Variants in RBFOX1 observed in about 807,000 individuals in gnomAD.
RBFOX1 encodes the protein RNA binding protein fox-1 homolog 1.
A neutral mutation model predicts 57.7 loss-of-function variants in RBFOX1; 8 were observed. The ratio of observed to expected loss-of-function variants is 0.14; its 90% CI spans 0.08 to 0.25. RBFOX1 has a LOEUF of 0.25. RBFOX1 is among the 10% of genes least tolerant of loss of function. The pLI is 1.00. For synonymous variants in RBFOX1, 326 were observed against 222.4 expected (o/e 1.47, Z -4.15); for missense variants, 611 against 548.5 (o/e 1.11, Z -1.14).
At chr16:5,575,369 G>A (rs2046417662) in intron 2 of RBFOX1, among the ~76,000 whole-genome samples, 1 of 152,126 alleles carries the variant, frequency 6.6e-6, no homozygotes, top group Non-Finnish European at 1.5e-5. Flanking sequence ...CCATCATTGA[G>A]TTCACATGCC....
At chr16:5,569,447 TTTTTTTTTTTTTTTTTTTTTC>T (rs2046195612) in intron 2 of RBFOX1, among the ~76,000 whole-genome samples, 1 of 105,522 alleles carries the variant, frequency 9.5e-6, no homozygotes, top group Admixed American at 9.7e-5. Context: ...CCTTTTTTTT[TTTTTTTTTTTTTTTTTTTTTC>T]TTCTTCTTTT....
At chr16:6,389,892 G>A (rs954604394) in intron 2 of RBFOX1, among the ~76,000 whole-genome samples, 2 of 152,194 alleles carry the variant, frequency 1.3e-5, no homozygotes, top group African/African-American at 4.8e-5. Flanking sequence ...AGCTACTTAT[G>A]TGTACTGCCA....
intron 3 of RBFOX1, among the ~76,000 whole-genome samples, chr16:6,978,529 T>C (rs951736317): frequency 1.3e-5 from 2 of 152,274 alleles, no homozygotes; most frequent in South Asian, 2.1e-4. Context: ...CTGAGGTTCA[T>C]AGAAGTTAAA....
intron 4 of RBFOX1, among the ~76,000 whole-genome samples, chr16:7,387,896 C>G (rs1213812500): frequency 1.3e-5 from 2 of 152,086 alleles, no homozygotes; most frequent in African/African-American, 4.8e-5. Context: ...TTTGTGCTGT[C>G]TTTGATTTTC....
At chr16:7,343,828 C>T (rs184160247) in intron 4 of RBFOX1, among the ~76,000 whole-genome samples, 64 of 152,220 alleles carry the variant, frequency 4.2e-4, no homozygotes, top group South Asian at 1.5e-3. Flanking sequence ...CACAGTTTTT[C>T]CCTTCTGGGC....
At chr16:6,381,782 G>T (rs535991181) in intron 2 of RBFOX1, among the ~76,000 whole-genome samples, 33 of 152,330 alleles carry the variant, frequency 2.2e-4, no homozygotes, top group African/African-American at 7.7e-4. Context: ...GGTCTGCCCT[G>T]TGTCCCTCGG....
chr16:7,664,089 C>T (rs80247778), intron 12 of RBFOX1, among the ~76,000 whole-genome samples: 8,029 of 152,232 alleles, frequency 0.053, 338 homozygotes, highest in African/African-American at 0.11. Flanking sequence ...ATATAATTTA[C>T]GTGAACATGC....
intron 4 of RBFOX1, among the ~76,000 whole-genome samples, chr16:5,979,879 A>C (rs116147750): frequency 6.6e-6 from 1 of 152,094 alleles, no homozygotes; most frequent in Non-Finnish European, 1.5e-5. Flanking sequence ...AAAGAAATTA[A>C]AGTGTATTTA....
intron 4 of RBFOX1, among the ~76,000 whole-genome samples, chr16:5,969,670 G>A: frequency 6.6e-6 from 1 of 151,764 alleles, no homozygotes. Context: ...ATCTTAGGTA[G>A]CTTATCTAAC....
intron 3 of RBFOX1, among the ~76,000 whole-genome samples, chr16:6,813,980 G>A (rs2089438755): frequency 6.6e-6 from 1 of 152,144 alleles, no homozygotes; most frequent in African/African-American, 2.4e-5. Flanking sequence ...CTCTCATCAT[G>A]GCACTGGCAA....
At chr16:6,559,833 C>T (rs1011951037) in intron 2 of RBFOX1, among the ~76,000 whole-genome samples, 1 of 152,088 alleles carries the variant, frequency 6.6e-6, no homozygotes, top group African/African-American at 2.4e-5. Flanking sequence ...TGAAGTTGTT[C>T]CCTGAAGCTC....
At chr16:7,392,013 G>A (rs944652745) in intron 4 of RBFOX1, among the ~76,000 whole-genome samples, 4 of 152,100 alleles carry the variant, frequency 2.6e-5, no homozygotes, top group African/African-American at 9.7e-5. Flanking sequence ...TTCCCCTCCT[G>A]CCTTTTGCAA....
chr16:5,776,398 C>A (rs2054150700), intron 3 of RBFOX1, among the ~76,000 whole-genome samples: 5 of 152,172 alleles, frequency 3.3e-5, no homozygotes. Context: ...ACCACGGCCA[C>A]CATTTTAACC....
chr16:6,267,292 C>T (rs1018614076), intron 1 of RBFOX1, among the ~76,000 whole-genome samples: 14 of 152,126 alleles, frequency 9.2e-5, no homozygotes, highest in Admixed American at 2.6e-4. Flanking sequence ...ACACTAACAC[C>T]GTAGGATCAT....
At chr16:6,251,005 A>G (rs1017331059) in intron 1 of RBFOX1, among the ~76,000 whole-genome samples, 2 of 152,018 alleles carry the variant, frequency 1.3e-5, no homozygotes, top group Non-Finnish European at 2.9e-5. Context: ...GGGGAGTGTG[A>G]GATGGTCAGA....
intron 1 of RBFOX1, among the ~76,000 whole-genome samples, chr16:6,203,365 G>T (rs2097229239): frequency 6.6e-6 from 1 of 151,972 alleles, no homozygotes; most frequent in Admixed American, 6.6e-5. Context: ...TCTGTGTCTG[G>T]CTTATTTCAT....
chr16:7,640,057 G>T (rs751736349), intron 11 of RBFOX1, among the ~76,000 whole-genome samples: 2 of 152,132 alleles, frequency 1.3e-5, no homozygotes, highest in African/African-American at 2.4e-5. Flanking sequence ...ATTTCTAAGA[G>T]GCTTTTACTA....
At chr16:5,854,798 C>G (rs1225096540) in intron 3 of RBFOX1, among the ~76,000 whole-genome samples, 1 of 152,092 alleles carries the variant, frequency 6.6e-6, no homozygotes. Flanking sequence ...TTTGGAACCT[C>G]CATACTGCTT....
chr16:5,453,514 C>G (rs1286207168), intron 1 of RBFOX1, among the ~76,000 whole-genome samples: 1 of 152,164 alleles, frequency 6.6e-6, no homozygotes, highest in Non-Finnish European at 1.5e-5. Context: ...AATTCATGCT[C>G]TGGTGTAAGG....
Sources: gnomAD v4.1 joint callset for allele counts (sites outside exome capture counted in the v4.1 genomes callset) on GRCh38, gnomAD v4.1.1 for gene constraint, MANE v1.5 for transcripts, NCBI Gene and HGNC (gene_info 2026-07-23, HGNC 2026-07-21) for gene names.